GNG2: variants seen among roughly 807,000 people sequenced by gnomAD.
GNG2 encodes the protein guanine nucleotide-binding protein G(I)/G(S)/G(O) subunit gamma-2.
In GNG2, 5 loss-of-function variants were observed where a neutral mutation model predicts 5.5. That is an observed-to-expected ratio of 0.91 (90% CI 0.48 to 1.92). The LOEUF is 1.92. GNG2 is among the 30% of genes most tolerant of loss of function. The pLI is 0.01. For synonymous variants in GNG2, 28 were observed against 32.0 expected, an observed-to-expected ratio of 0.88 and a Z score of 0.42; for missense variants, 55 against 88.4, an observed-to-expected ratio of 0.62 and a Z score of 1.52.
intron 3 of GNG2, among the ~76,000 whole-genome samples, chr14:51,961,994 G>A (rs1889641413): frequency 6.6e-6 from 1 of 152,124 alleles, no homozygotes; most frequent in African/African-American, 2.4e-5. Context: ...TATCTTTCTA[G>A]CTACAGTATG....
intron 2 of GNG2, among the ~76,000 whole-genome samples, chr14:51,909,267 G>A (rs1430941474): frequency 2.0e-5 from 3 of 152,194 alleles, no homozygotes; most frequent in South Asian, 2.1e-4. Flanking sequence ...AATATGAATC[G>A]TGTTTGTGCA....
chr14:51,947,199 C>T (rs1566706747), intron 2 of GNG2, among the ~76,000 whole-genome samples: 1 of 152,172 alleles, frequency 6.6e-6, no homozygotes, highest in African/African-American at 2.4e-5. Context: ...ATACAGAGGA[C>T]TTCTTCCATG....
rs181798187 is a variant in GNG2, at chr14:51,938,507, C to T, written c.-29-12143C>T. Among the ~76,000 whole-genome samples, 111 of 152,276 alleles carry T rather than the reference C, an allele frequency of 7.3e-4. 1 individual carries two copies. The highest frequency in any genetic ancestry group is 2.6e-3 in the African/African-American group (106 of 41,552). Reference sequence around the variant, plus strand: ...CATGTACAATCCAATAGTTGTTATCCCCACTTTAAGGCTGAGCAACTGAGG... The same window carrying T: ...CATGTACAATCCAATAGTTGTTATCTCCACTTTAAGGCTGAGCAACTGAGG... On this transcript the variant is annotated intron_variant, in intron 2 of 3. Transcript: ENST00000556766.
At chr14:51,910,199 G>A (rs1299757701) in intron 2 of GNG2, among the ~76,000 whole-genome samples, 1 of 152,204 alleles carries the variant, frequency 6.6e-6, no homozygotes, top group African/African-American at 2.4e-5. Context: ...AGGAAGCCAG[G>A]AAAACGGAGA....
chr14:51,833,206 T>A (rs980661983), intron 2 of GNG2, among the ~76,000 whole-genome samples: 1 of 151,862 alleles, frequency 6.6e-6, no homozygotes, highest in Non-Finnish European at 1.5e-5. Context: ...TTGGAGGGAG[T>A]CAGTACCAGT....
intron 2 of GNG2, chr14:51,913,437 C>G (rs1317309015): frequency 6.6e-6 from 1 of 152,150 alleles, no homozygotes; most frequent in Non-Finnish European, 1.5e-5. Flanking sequence ...TTGCTTGAGC[C>G]CGGGAGTTAG....
intron 1 of GNG2, among the ~76,000 whole-genome samples, chr14:51,877,077 T>C (rs1883724721): frequency 6.6e-6 from 1 of 152,158 alleles, no homozygotes; most frequent in Non-Finnish European, 1.5e-5. Context: ...CTTCTACTTC[T>C]AAACAGCCTA....
At chr14:51,904,069 G>A (rs1472724741) in intron 2 of GNG2, among the ~76,000 whole-genome samples, 1 of 152,200 alleles carries the variant, frequency 6.6e-6, no homozygotes, top group Non-Finnish European at 1.5e-5. Context: ...AGGATGGGTA[G>A]ACAGAATAAC....
At chr14:51,881,978 T>C (rs1324868128) in intron 2 of GNG2, among the ~76,000 whole-genome samples, 1 of 152,194 alleles carries the variant, frequency 6.6e-6, no homozygotes, top group East Asian at 1.9e-4. Flanking sequence ...TCGCCTCATT[T>C]CAGCTTCAAA....
intron 2 of GNG2, among the ~76,000 whole-genome samples, chr14:51,947,062 T>A (rs1888684623): frequency 6.6e-6 from 1 of 152,082 alleles, no homozygotes; most frequent in South Asian, 2.1e-4. Context: ...AAAGCCTAGG[T>A]TTACTTTTTC....
At chr14:51,837,487 A>C (rs1009257637) in intron 2 of GNG2, among the ~76,000 whole-genome samples, 5 of 152,016 alleles carry the variant, frequency 3.3e-5, no homozygotes, top group Non-Finnish European at 5.9e-5. Flanking sequence ...TCTATTAAAA[A>C]TACAAAAATA....
chr14:51,861,451 A>C (rs1882474750), intron 1 of GNG2: 1 of 152,190 alleles, frequency 6.6e-6, no homozygotes, highest in South Asian at 2.1e-4. Flanking sequence ...TAAGGCCAGT[A>C]ACTTGTCCAG....
At chr14:51,930,115 G>A (rs1887568855) in intron 2 of GNG2, among the ~76,000 whole-genome samples, 1 of 152,220 alleles carries the variant, frequency 6.6e-6, no homozygotes, top group African/African-American at 2.4e-5. Flanking sequence ...GATGCCCTAA[G>A]CAGGCATGAG....
chr14:51,858,851 T>C (rs182301322), upstream of GNG2, among the ~76,000 whole-genome samples: 18 of 152,308 alleles, frequency 1.2e-4, no homozygotes, highest in Admixed American at 9.8e-4. Flanking sequence ...CTTAAATCAA[T>C]CCATTTTGTA....
chr14:51,880,584 G>A (rs1444659044), intron 2 of GNG2, among the ~76,000 whole-genome samples: 6 of 151,920 alleles, frequency 3.9e-5, no homozygotes, highest in African/African-American at 2.4e-5. Flanking sequence ...GCTTTTTTTT[G>A]TTGTAGCAAG....
intron 2 of GNG2, among the ~76,000 whole-genome samples, chr14:51,842,475 A>G (rs1881510075): frequency 6.6e-6 from 1 of 152,150 alleles, no homozygotes; most frequent in African/African-American, 2.4e-5. Flanking sequence ...GGCTCCGCAC[A>G]CGCAAACGGA....
chr14:51,941,580 G>A (rs1030696906), intron 2 of GNG2, among the ~76,000 whole-genome samples: 3 of 152,112 alleles, frequency 2.0e-5, no homozygotes, highest in Non-Finnish European at 1.5e-5. Context: ...AAACACCATT[G>A]AAGTATGAAA....
At chr14:51,917,238 T>C (rs1429956398) in intron 2 of GNG2, 3 of 386,664 alleles carry the variant, frequency 7.8e-6, no homozygotes, top group African/African-American at 6.3e-5. Flanking sequence ...TGTTCTGGAG[T>C]CAAAATATCC....
chr14:51,830,099 C>T (rs1432833221), intron 2 of GNG2, among the ~76,000 whole-genome samples: 2 of 152,188 alleles, frequency 1.3e-5, no homozygotes, highest in South Asian at 2.1e-4. Flanking sequence ...CCTCAGCTTC[C>T]CAAAGTGTTG....
Sources: gnomAD v4.1 joint callset for allele counts (sites outside exome capture counted in the v4.1 genomes callset) on GRCh38, gnomAD v4.1.1 for gene constraint, MANE v1.5 for transcripts, NCBI Gene and HGNC (gene_info 2026-07-23, HGNC 2026-07-21) for gene names.